The following PDK1 variants were observed in gnomAD, a reference collection of about 807,000 sequenced individuals.
PDK1 encodes the protein pyruvate dehydrogenase kinase 1.
A neutral mutation model predicts 54.2 loss-of-function variants in PDK1; 39 were observed. That is an observed-to-expected ratio of 0.72 (90% CI 0.56 to 0.94). The LOEUF (loss-of-function observed/expected upper bound fraction) is 0.94, where lower values mean the gene tolerates loss of function less well. Among genes scored for constraint, PDK1 ranks in the 40% least tolerant of loss-of-function variants. The pLI is 0.00. For synonymous variants in PDK1, 221 were observed against 207.1 expected (o/e 1.07, Z -0.58); for missense variants, 552 against 566.0 (o/e 0.98, Z 0.25).
At chr2:172,718,301 C>G in the PDK1 span, among the ~76,000 whole-genome samples, 2 of 152,098 alleles carry the variant, frequency 1.3e-5, no homozygotes, top group African/African-American at 4.8e-5. Context: ...TTCTCACTGC[C>G]CTTTAGCATC....
chr2:172,641,781 G>T, the PDK1 span, among the ~76,000 whole-genome samples: 78 of 152,252 alleles, frequency 5.1e-4, 1 homozygote, highest in Middle Eastern at 6.8e-3. Context: ...TATACAAAAA[G>T]GCGGAGGAAA....
the PDK1 span, among the ~76,000 whole-genome samples, chr2:172,633,480 A>G: frequency 6.7e-6 from 1 of 148,964 alleles, no homozygotes. Flanking sequence ...TAACTTTCCA[A>G]ATTACTGTAT....
At chr2:172,584,758 G>A (rs1690117393) in intron 8 of PDK1, among the ~76,000 whole-genome samples, 1 of 148,256 alleles carries the variant, frequency 6.7e-6, no homozygotes, top group Non-Finnish European at 1.5e-5. Flanking sequence ...GGGCTGAAGT[G>A]ATCCTCCTGC....
the PDK1 span, among the ~76,000 whole-genome samples, chr2:172,682,260 C>T: frequency 6.6e-6 from 1 of 152,132 alleles, no homozygotes; most frequent in African/African-American, 2.4e-5. Flanking sequence ...GTAGAGAGAG[C>T]AGGGGGAGAA....
At chr2:172,694,409 AG>A in the PDK1 span, among the ~76,000 whole-genome samples, 2 of 152,256 alleles carry the variant, frequency 1.3e-5, no homozygotes, top group African/African-American at 4.8e-5. Flanking sequence ...GTCCTCAAAT[AG>A]CATTCAACAT....
intron 8 of PDK1, among the ~76,000 whole-genome samples, chr2:172,583,790 C>T (rs10199472): frequency 0.18 from 26,690 of 151,754 alleles, 2,813 homozygotes; most frequent in African/African-American, 0.28. Context: ...AAAAACTCAA[C>T]TATAAGCCAT....
the PDK1 span, among the ~76,000 whole-genome samples, chr2:172,617,116 AT>A: frequency 6.6e-6 from 1 of 151,574 alleles, no homozygotes; most frequent in African/African-American, 2.4e-5. Flanking sequence ...CACATGGCTA[AT>A]TTTTTTTGTA....
chr2:172,716,428 C>T, the PDK1 span, among the ~76,000 whole-genome samples: 2 of 151,930 alleles, frequency 1.3e-5, no homozygotes, highest in Admixed American at 6.6e-5. Flanking sequence ...TGGGTTCAAG[C>T]GATTCTCCTG....
At chr2:172,700,565 G>A in the PDK1 span, among the ~76,000 whole-genome samples, 6,093 of 151,862 alleles carry the variant, frequency 0.04, 400 homozygotes, top group African/African-American at 0.14. Flanking sequence ...GACGATGGGC[G>A]GCCGGGCAGA....
At chr2:172,627,841 C>T in the PDK1 span, among the ~76,000 whole-genome samples, 18 of 152,338 alleles carry the variant, frequency 1.2e-4, no homozygotes, top group African/African-American at 4.3e-4. Flanking sequence ...ACCGAACCCT[C>T]ACCAAACAGA....
chr2:172,657,535 T>C, the PDK1 span, among the ~76,000 whole-genome samples: 12 of 151,842 alleles, frequency 7.9e-5, no homozygotes, highest in Non-Finnish European at 8.8e-5. Flanking sequence ...GATACACTTA[T>C]GGACTCATAG....
At chr2:172,611,734 G>A (rs569012910), downstream of PDK1, among the ~76,000 whole-genome samples, 3 of 152,332 alleles carry the variant, frequency 2.0e-5, no homozygotes, top group East Asian at 3.9e-4. Flanking sequence ...AGTAAGGATG[G>A]TTCAAGATTC....
At chr2:172,687,574 A>AC in the PDK1 span, among the ~76,000 whole-genome samples, 1,926 of 151,656 alleles carry the variant, frequency 0.013, 18 homozygotes, top group Non-Finnish European at 0.019. Flanking sequence ...CTAAATCCCT[A>AC]CCCCCCAACT....
intron 8 of PDK1, among the ~76,000 whole-genome samples, chr2:172,575,169 T>C (rs968111302): frequency 6.6e-6 from 1 of 152,242 alleles, no homozygotes; most frequent in African/African-American, 2.4e-5. Flanking sequence ...CATTGCTTTT[T>C]CTATATCAAA....
Position 172,556,181 on chromosome 2 carries a change from G to T in PDK1, c.31G>T (p.Ala11Ser). ...GCTGGCGCGGCTGCTTCGCGGAGCCGCCTTGGCCGGCCCGGGCCCGGGGCT... is the reference window on the plus strand; with the variant it reads ...GCTGGCGCGGCTGCTTCGCGGAGCCTCCTTGGCCGGCCCGGGCCCGGGGCT... MRLARLLRGA[A>S]LAGPGPGLRA... The change falls in exon 1 of 11, where the codon GCC becomes TCC. Residue 11 changes from alanine (A) to serine (S), a missense_variant. Ala to Ser is a moderately conservative substitution (Grantham distance 99). Coordinates refer to ENST00000282077, the MANE Select transcript of PDK1 (RefSeq NM_002610.5). The T allele has an allele frequency of 3.5e-6, 5 of 1,418,950 alleles. No individual in the cohort carries two copies. The South Asian group carries it at 5.9e-5, about 17-fold the overall frequency. 87.9% of individuals were successfully genotyped at this position (1,418,950 alleles called of 1,614,324 possible). A position where few individuals can be genotyped will look rare whatever the true frequency, so the allele number is the denominator to read the frequency against.
chr2:172,595,258 C>T (rs1558959473), intron 10 of PDK1, among the ~76,000 whole-genome samples: 1 of 152,054 alleles, frequency 6.6e-6, no homozygotes, highest in Admixed American at 6.6e-5. Context: ...TTTGTAGAGA[C>T]AGGATCTTGC....
chr2:172,638,753 T>C, the PDK1 span, among the ~76,000 whole-genome samples: 1 of 152,172 alleles, frequency 6.6e-6, no homozygotes, highest in African/African-American at 2.4e-5. Context: ...GGTAGGAGAC[T>C]TGGAGAACTT....
chr2:172,641,815 T>A, the PDK1 span, among the ~76,000 whole-genome samples: 8 of 152,274 alleles, frequency 5.3e-5, no homozygotes, highest in South Asian at 1.7e-3. Context: ...TTTTTAGGTT[T>A]TATGGCTGGC....
intron 8 of PDK1, 48 bp downstream of exon 8, chr2:172,570,872 A>G (rs756160385): frequency 2.6e-5 from 26 of 981,932 alleles, no homozygotes; most frequent in Non-Finnish European, 3.8e-5. Flanking sequence ...TTTGTAATTG[A>G]TGAACAGACA....
Sources: allele counts gnomAD v4.1 joint callset (sites outside exome capture counted in the v4.1 genomes callset), GRCh38; gene constraint gnomAD v4.1.1; transcripts MANE v1.5; gene names NCBI Gene and HGNC (gene_info 2026-07-23, HGNC 2026-07-21).